Variants in NRG1 observed in about 807,000 individuals in gnomAD.
The protein encoded by NRG1 is pro-neuregulin-1, membrane-bound isoform.
Under a neutral mutation model 63.8 loss-of-function variants are expected in NRG1, and 18 were observed. The ratio of observed to expected loss-of-function variants is 0.28; its 90% CI spans 0.19 to 0.42. The LOEUF (loss-of-function observed/expected upper bound fraction) is 0.42. NRG1 is among the 10% of genes least tolerant of loss of function. The pLI, the probability that NRG1 is intolerant of heterozygous loss-of-function variation, is 1.00. For synonymous variants in NRG1, 302 were observed against 301.3 expected (o/e 1.00, Z -0.02); for missense variants, 762 against 814.7 (o/e 0.94, Z 0.79).
At chr8:32,675,303 A>C (rs1226106192) in intron 5 of NRG1, among the ~76,000 whole-genome samples, 1 of 152,206 alleles carries the variant, frequency 6.6e-6, no homozygotes, top group Non-Finnish European at 1.5e-5. Flanking sequence ...CCTCCACAGC[A>C]CAGATCTAGT....
chr8:32,559,038 A>ACC (rs1255127433), intron 1 of NRG1, among the ~76,000 whole-genome samples: 2 of 143,128 alleles, frequency 1.4e-5, no homozygotes, highest in African/African-American at 2.6e-5. Flanking sequence ...ATTATGATAC[A>ACC]CCACTGCACT....
At chr8:31,735,452 AT>A (rs1220885347) in intron 1 of NRG1, among the ~76,000 whole-genome samples, 3 of 152,040 alleles carry the variant, frequency 2.0e-5, no homozygotes, top group Non-Finnish European at 4.4e-5. Flanking sequence ...TTAAATTTCT[AT>A]TTTTTCTACA....
At chr8:32,629,887 G>A (rs1299509590) in intron 5 of NRG1, among the ~76,000 whole-genome samples, 1 of 151,830 alleles carries the variant, frequency 6.6e-6, no homozygotes, top group Admixed American at 6.6e-5. Flanking sequence ...TCAATAACAT[G>A]GATTTTTCAT....
intron 1 of NRG1, among the ~76,000 whole-genome samples, chr8:32,169,056 G>A (rs553103922): frequency 1.3e-5 from 2 of 152,260 alleles, no homozygotes; most frequent in South Asian, 2.1e-4. Flanking sequence ...CAATGCTGAT[G>A]TCATTATCAT....
chr8:32,640,782 C>T (rs978540217), intron 5 of NRG1, among the ~76,000 whole-genome samples: 5 of 152,044 alleles, frequency 3.3e-5, no homozygotes, highest in African/African-American at 1.2e-4. Flanking sequence ...CTGTTCAACT[C>T]CATCCTATTT....
chr8:32,058,108 A>T (rs1439257620), intron 1 of NRG1, among the ~76,000 whole-genome samples: 1 of 152,104 alleles, frequency 6.6e-6, no homozygotes, highest in African/African-American at 2.4e-5. Context: ...GTGTAGCCCA[A>T]AAATATGTAC....
intron 1 of NRG1, among the ~76,000 whole-genome samples, chr8:32,485,218 G>A (rs566031053): frequency 4.0e-5 from 6 of 151,508 alleles, no homozygotes; most frequent in African/African-American, 9.7e-5. Flanking sequence ...GGGTTCAAGC[G>A]ATACTCCTGC....
chr8:32,677,748 A>T (rs571271564), intron 5 of NRG1, among the ~76,000 whole-genome samples: 9 of 152,206 alleles, frequency 5.9e-5, no homozygotes, highest in African/African-American at 2.2e-4. Context: ...TCCTGCAAAC[A>T]ATTTCCACTT....
chr8:31,898,017 CAAA>C (rs34246447), intron 1 of NRG1, among the ~76,000 whole-genome samples: 17 of 125,886 alleles, frequency 1.4e-4, no homozygotes, highest in African/African-American at 1.6e-4. Context: ...AATTCTATCT[CAAA>C]AAAAAAAAAA....
rs533262941 is a variant in NRG1, at chr8:31,996,474, G to A, written c.37+357043G>A. ...AGGCCGGGCACGGAGGTTCATTCCT[G>A]TAATCCCAACACTTTGGGAGGCTGA... On this transcript the variant is annotated intron_variant, in intron 1 of 10. Coordinates refer to the NRG1 transcript ENST00000519301. 1.2e-4 allele frequency among the ~76,000 whole-genome samples: 18 copies of A among 152,092 alleles called. No individual in the cohort carries two copies. In the East Asian group the frequency reaches 3.3e-3, roughly 28 times the overall value.
At chr8:32,474,078 AATGT>A (rs1824181208) in intron 1 of NRG1, among the ~76,000 whole-genome samples, 1 of 152,164 alleles carries the variant, frequency 6.6e-6, no homozygotes. Flanking sequence ...TCATTTACCA[AATGT>A]GTTTATAGTA....
rs565099369 is a variant in NRG1, at chr8:32,279,607, T to C, written c.38-316221T>C. Among the ~76,000 whole-genome samples, 11 of 152,320 alleles carry C rather than the reference T, an allele frequency of 7.2e-5. No homozygotes were observed. In the South Asian group the frequency reaches 2.3e-3, roughly 32 times the overall value. On this transcript the variant is annotated intron_variant, in intron 1 of 10. Transcript: ENST00000519301. ...ATCTCATGATCCACCCACCTTGGCC[T>C]CCGAAAGTGCTGGGATTACAGGCGT...
intron 1 of NRG1, among the ~76,000 whole-genome samples, chr8:31,939,066 C>T (rs1338500450): frequency 6.6e-6 from 1 of 152,090 alleles, no homozygotes; most frequent in African/African-American, 2.4e-5. Context: ...TCAAAGAACA[C>T]CTGGGAAACT....
intron 9 of NRG1, among the ~76,000 whole-genome samples, chr8:32,758,575 C>CAAAAAAAAAAAAAAAAAAAAA (rs35499101): frequency 1.3e-5 from 1 of 74,524 alleles, no homozygotes; most frequent in African/African-American, 6.2e-5. Flanking sequence ...GACTCCATCT[C>CAAAAAAAAAAAAAAAAAAAAA]AAAAAAAAAA....
chr8:31,867,893 A>G (rs1488494972), intron 1 of NRG1, among the ~76,000 whole-genome samples: 3 of 152,106 alleles, frequency 2.0e-5, no homozygotes, highest in Admixed American at 6.6e-5. Context: ...TGACATACCT[A>G]TGTCACTGAA....
intron 5 of NRG1, among the ~76,000 whole-genome samples, chr8:32,697,314 T>A (rs1681307205): frequency 2.0e-5 from 3 of 152,212 alleles, no homozygotes; most frequent in Admixed American, 1.3e-4. Flanking sequence ...TAGATATTTC[T>A]TAGAGATGCA....
chr8:32,271,927 G>A (rs939691264), intron 1 of NRG1, among the ~76,000 whole-genome samples: 2 of 152,168 alleles, frequency 1.3e-5, no homozygotes, highest in African/African-American at 4.8e-5. Flanking sequence ...CTCAGAGGCA[G>A]TCCAGACAGA....
intron 1 of NRG1, among the ~76,000 whole-genome samples, chr8:32,432,946 G>C (rs1644904680): frequency 6.6e-6 from 1 of 152,158 alleles, no homozygotes; most frequent in Non-Finnish European, 1.5e-5. Flanking sequence ...TAGGTCAAAG[G>C]GAAGTGGGAA....
chr8:31,706,399 T>C (rs1225307301), intron 1 of NRG1, among the ~76,000 whole-genome samples: 1 of 152,134 alleles, frequency 6.6e-6, no homozygotes, highest in Non-Finnish European at 1.5e-5. Flanking sequence ...TTAATTTTTT[T>C]ATAGCTGCAT....
Sources: allele counts gnomAD v4.1 joint callset (sites outside exome capture counted in the v4.1 genomes callset), GRCh38; gene constraint gnomAD v4.1.1; transcripts MANE v1.5; gene names NCBI Gene and HGNC (gene_info 2026-07-23, HGNC 2026-07-21).